The following SULT4A1 variants were observed in gnomAD, a reference collection of about 807,000 sequenced individuals.
SULT4A1 encodes sulfotransferase family 4A member 1.
A neutral mutation model predicts 35.2 loss-of-function variants in SULT4A1; 11 were observed. The observed-to-expected ratio is 0.31, with a 90% CI of 0.20 to 0.52. SULT4A1 has a LOEUF of 0.52. SULT4A1 is among the 20% of genes least tolerant of loss of function. SULT4A1 has a pLI of 0.97. For missense variants in SULT4A1, 271 were observed against 383.7 expected (o/e 0.71, Z 2.45); for synonymous variants, 152 against 151.8 (o/e 1.00, Z -0.01).
intron 4 of SULT4A1, among the ~76,000 whole-genome samples, chr22:43,835,667 C>A (rs1305258133): frequency 1.3e-5 from 2 of 152,076 alleles, no homozygotes; most frequent in Non-Finnish European, 2.9e-5. Flanking sequence ...GCAGATGAGT[C>A]CCTGGGGCAG....
At chr22:43,831,211 A>T (rs539121266) in intron 5 of SULT4A1, among the ~76,000 whole-genome samples, 1 of 152,278 alleles carries the variant, frequency 6.6e-6, no homozygotes, top group African/African-American at 2.4e-5. Context: ...GGCTTGGAGT[A>T]AAGTGTGTGT....
chr22:43,851,781 C>A (rs1347541940), intron 1 of SULT4A1, among the ~76,000 whole-genome samples: 1 of 152,154 alleles, frequency 6.6e-6, no homozygotes, highest in Non-Finnish European at 1.5e-5. Context: ...CCTCTCTGGT[C>A]CCCGAAGAAG....
chr22:43,826,152 G>C, intron 6 of SULT4A1, 39 bp from the exon 7 acceptor site: 1 of 1,610,650 alleles, frequency 6.2e-7, no homozygotes, highest in South Asian at 1.1e-5. Flanking sequence ...GCCACTTGCT[G>C]TCCGGCCAGC....
chr22:43,839,032 C>G, intron 3 of SULT4A1, 39 bp from the exon 4 acceptor site: 2 of 1,607,652 alleles, frequency 1.2e-6, no homozygotes, highest in Non-Finnish European at 1.7e-6. Context: ...GTGTCTCCTT[C>G]CCTCCCAGGC....
intron 1 of SULT4A1, among the ~76,000 whole-genome samples, chr22:43,853,721 A>C (rs943610991): frequency 6.6e-6 from 1 of 152,190 alleles, no homozygotes; most frequent in East Asian, 1.9e-4. Flanking sequence ...CCTCAAAGTG[A>C]ACTTCTCCTA....
At chr22:43,850,747 G>A (rs562702863) in intron 1 of SULT4A1, among the ~76,000 whole-genome samples, 2 of 152,190 alleles carry the variant, frequency 1.3e-5, no homozygotes, top group Non-Finnish European at 2.9e-5. Flanking sequence ...GTGAGACTGA[G>A]GTGACTGCAA....
rs981807478 is a variant in SULT4A1, at chr22:43,824,817, T to C, written c.*1184A>G. On this transcript the variant is annotated 3_prime_UTR_variant, in exon 7 of 7. Transcript: ENST00000330884. ...CCCTCCTGACCACCACTTTGGGTGC[T>C]TTCCAGCCACATAAATGACAGACAA... is the stretch of plus-strand genomic sequence containing the variant. The C allele has an allele frequency of 1.3e-5, 2 of 152,248 alleles. No homozygotes were observed. The highest frequency in any genetic ancestry group is 4.2e-4 in the South Asian group (2 of 4,808). 9.4% of individuals were successfully genotyped at this position (152,248 alleles called of 1,614,324 possible).
At chr22:43,846,527 C>T (rs1367772840) in intron 1 of SULT4A1, among the ~76,000 whole-genome samples, 1 of 152,200 alleles carries the variant, frequency 6.6e-6, no homozygotes, top group East Asian at 1.9e-4. Flanking sequence ...ATGTGTTGAT[C>T]AAGGAAGACT....
rs546220184 is a variant in SULT4A1, at chr22:43,839,983, G to A, written c.343C>T (p.Arg115Cys). 5.0e-6 allele frequency: 8 copies of A among 1,610,728 alleles called. No individual in the cohort carries two copies. Among genetic ancestry groups the A allele is most frequent in the East Asian group, 2.2e-5 (1 of 44,770 alleles). The part of the protein sequence containing the change: ...PRLIKSHLPY[R>C]FLPSDLHNGD... ...TTGTGGAGGTCAGAGGGCAGAAAGC[G>A]GTAGGGCAGGTGGCTCTTGATGAGG... The change falls in exon 3 of 7, where the codon CGC becomes TGC. Residue 115 changes from arginine to cysteine, a missense_variant. This residue lies in a region of SULT4A1 where 164 missense variants were observed against 254.1 expected (regional missense o/e 0.65). Transcript: ENST00000330884.
At chr22:43,835,178 C>A (rs908125415) in intron 4 of SULT4A1, among the ~76,000 whole-genome samples, 1 of 152,260 alleles carries the variant, frequency 6.6e-6, no homozygotes, top group Admixed American at 6.5e-5. Flanking sequence ...GCGTGGCCTG[C>A]GCTGCCTCAG....
In SULT4A1 at chr22:43,839,958, T is replaced by A; in HGVS notation, c.368A>T (p.Asn123Ile). The A allele has an allele frequency of 6.2e-7, 1 of 1,607,570 alleles. No homozygotes were observed. Among genetic ancestry groups the A allele is most frequent in the South Asian group, 1.1e-5 (1 of 89,510 alleles). ...PYRFLPSDLH[N>I]GDSKVIYMAR... ...GTGCCAGCTTACCTTGGAGTCTCCA[T>A]TGTGGAGGTCAGAGGGCAGAAAGCG... Residue 123 changes from asparagine to isoleucine, a missense_variant, in exon 3 of 7, where the codon AAT becomes ATT. Around this residue, in one of 3 missense-constraint regions of SULT4A1, gnomAD observed 164 missense variants for 254.1 expected, o/e 0.65. Transcript: ENST00000330884.
At chr22:43,859,968 T>A (rs1315984543) in intron 1 of SULT4A1, among the ~76,000 whole-genome samples, 1 of 152,108 alleles carries the variant, frequency 6.6e-6, no homozygotes, top group Non-Finnish European at 1.5e-5. Context: ...ACAAAAAGAA[T>A]CCGAGCAAGC....
intron 1 of SULT4A1, among the ~76,000 whole-genome samples, chr22:43,848,794 G>C (rs1299226239): frequency 6.6e-6 from 1 of 152,226 alleles, no homozygotes; most frequent in Non-Finnish European, 1.5e-5. Flanking sequence ...ATCACAGCTG[G>C]GCAGCTGGAA....
chr22:43,851,453 G>A (rs1306959315), intron 1 of SULT4A1, among the ~76,000 whole-genome samples: 1 of 152,178 alleles, frequency 6.6e-6, no homozygotes, highest in Non-Finnish European at 1.5e-5. Flanking sequence ...GTGATCTTGA[G>A]TCCACTCACA....
chr22:43,828,737 G>T (rs2063305477), intron 6 of SULT4A1: 1 of 307,434 alleles, frequency 3.3e-6, no homozygotes, highest in Non-Finnish European at 6.0e-6. Flanking sequence ...GCTCTGTGGG[G>T]CGTTTGATTT....
In SULT4A1 at chr22:43,841,853, G is replaced by T; in HGVS notation, c.249C>A (p.Asp83Glu). 6.2e-7 allele frequency: 1 copy of T among 1,613,972 alleles called. No homozygotes were observed. Among genetic ancestry groups the T allele is most frequent in the Non-Finnish European group, 8.5e-7 (1 of 1,179,902 alleles). ...DPDEIGLMNI[D>E]EQLPVLEYPQ... ...GGTACTCCAGGACCGGGAGCTGCTCGTCGATGTTCATCAAGCCGATCTCAT... is the reference window on the plus strand; with the variant it reads ...GGTACTCCAGGACCGGGAGCTGCTCTTCGATGTTCATCAAGCCGATCTCAT... The change falls in exon 2 of 7, where the codon GAC becomes GAA. Residue 83 changes from aspartate (D) to glutamate (E), a missense_variant. By Grantham distance (45) the Asp-to-Glu change is conservative. Transcript: ENST00000330884.
In SULT4A1 at chr22:43,825,781, T is replaced by C. The variant is rs1029488005; in HGVS notation, c.*220A>G. ...CATTGGAACTGCAATGTGGAGACTG[T>C]TTGTAATCAGACATGGAGAGGCTGC... On this transcript the variant is annotated 3_prime_UTR_variant, in exon 7 of 7. Transcript: ENST00000330884. The C allele has an allele frequency of 1.9e-6, 1 of 523,286 alleles. No individual in the cohort carries two copies. The highest frequency in any genetic ancestry group is 1.9e-5 in the African/African-American group (1 of 51,552). The allele number at this position is 523,286 out of a possible 1,614,324, so 32.4% of individuals were successfully genotyped here. A position where few individuals can be genotyped will look rare whatever the true frequency, so the allele number is the denominator to read the frequency against.
At chr22:43,832,631 A>C (rs1439589037) in intron 5 of SULT4A1, among the ~76,000 whole-genome samples, 1 of 151,270 alleles carries the variant, frequency 6.6e-6, no homozygotes, top group East Asian at 1.9e-4. Flanking sequence ...CCCCAGGATC[A>C]CAGTGCACAC....
intron 6 of SULT4A1, chr22:43,827,003 A>T (rs2063291731): frequency 1.0e-6 from 1 of 985,342 alleles, no homozygotes; most frequent in African/African-American, 1.7e-5. Context: ...TGACAAGAGA[A>T]GTTGTTGCTC....
Sources: allele counts gnomAD v4.1 joint callset (sites outside exome capture counted in the v4.1 genomes callset), GRCh38; gene constraint gnomAD v4.1.1; regional missense constraint gnomAD v4.1.1; transcripts MANE v1.5; gene names NCBI Gene and HGNC (gene_info 2026-07-23, HGNC 2026-07-21).